The following MMP16 variants were observed in gnomAD, a reference collection of about 807,000 sequenced individuals.
The protein encoded by MMP16 is matrix metallopeptidase 16.
A neutral mutation model predicts 67.8 loss-of-function variants in MMP16; 12 were observed. That is an observed-to-expected ratio of 0.18 (90% confidence interval 0.11 to 0.29). MMP16 has a LOEUF of 0.29. MMP16 is among the 10% of genes least tolerant of loss of function. MMP16 has a pLI of 1.00. For missense variants in MMP16, 475 were observed against 765.7 expected (o/e 0.62, Z 4.48); for synonymous variants, 249 against 255.9 (o/e 0.97, Z 0.26).
chr8:88,151,367 T>C (rs1265871586), intron 4 of MMP16, among the ~76,000 whole-genome samples: 1 of 149,868 alleles, frequency 6.7e-6, no homozygotes, highest in African/African-American at 2.4e-5. Flanking sequence ...GCGGACCTAA[T>C]AGACATCTAC....
intron 6 of MMP16, among the ~76,000 whole-genome samples, chr8:88,106,751 A>G (rs1032462880): frequency 6.6e-6 from 1 of 151,214 alleles, no homozygotes; most frequent in Admixed American, 6.6e-5. Flanking sequence ...ATGCATATGA[A>G]TCTCTTTATC....
intron 6 of MMP16, among the ~76,000 whole-genome samples, chr8:88,083,926 T>C (rs1017494763): frequency 4.6e-5 from 7 of 152,048 alleles, no homozygotes; most frequent in African/African-American, 1.4e-4. Context: ...TTTCATGTTG[T>C]GGTAACTGCA....
chr8:88,264,082 TGTG>T (rs1810436826), intron 1 of MMP16, among the ~76,000 whole-genome samples: 3 of 151,258 alleles, frequency 2.0e-5, no homozygotes, highest in Non-Finnish European at 2.9e-5. Context: ...TGTGTGTGTG[TGTG>T]TGTGTGTGTG....
At chr8:88,266,294 C>G (rs1284239491) in intron 1 of MMP16, among the ~76,000 whole-genome samples, 2 of 152,180 alleles carry the variant, frequency 1.3e-5, no homozygotes, top group African/African-American at 4.8e-5. Flanking sequence ...ATCCATCAGA[C>G]TAAGACCATC....
intron 4 of MMP16, among the ~76,000 whole-genome samples, chr8:88,145,949 C>T (rs1327450549): frequency 6.6e-6 from 1 of 151,924 alleles, no homozygotes. Flanking sequence ...TCTCTTCCTA[C>T]CCCAACAATG....
chr8:88,198,932 C>T (rs917200446), intron 1 of MMP16, among the ~76,000 whole-genome samples: 2 of 151,968 alleles, frequency 1.3e-5, no homozygotes, highest in Non-Finnish European at 2.9e-5. Flanking sequence ...GTAGACTCCA[C>T]TTTTTTTCTG....
In MMP16 at chr8:88,074,727, C is replaced by T. The variant is rs1808616518; in HGVS notation, c.1100G>A (p.Arg367Gln). The change falls in exon 7 of 10, where the codon CGA (arginine) becomes CAA (glutamine). Residue 367 changes from arginine (R) to glutamine (Q), a missense_variant. Around this residue, in one of 5 missense-constraint regions of MMP16, gnomAD observed 195 missense variants for 300.9 expected, o/e 0.65. Transcript: ENST00000286614. ...ATCCATCACCCTGTTGTTTCTCACT[C>T]GCCAAAACCACTGGTCCTGCAAACC... ...MFVFKDQWFWRVRNNRVMDGY... is the reference protein window; with the variant it reads ...MFVFKDQWFWQVRNNRVMDGY... The T allele has an allele frequency of 6.2e-7, 1 of 1,612,646 alleles. No individual in the cohort carries two copies. The highest frequency in any genetic ancestry group is 8.5e-7 in the Non-Finnish European group (1 of 1,179,168).
At chr8:88,177,158 T>G (rs576284132) in intron 3 of MMP16, among the ~76,000 whole-genome samples, 1 of 152,320 alleles carries the variant, frequency 6.6e-6, no homozygotes, top group East Asian at 1.9e-4. Flanking sequence ...ATGGTGCCTT[T>G]GTAAAGGTTA....
chr8:88,253,329 T>C (rs1036947630), intron 1 of MMP16, among the ~76,000 whole-genome samples: 4 of 152,152 alleles, frequency 2.6e-5, no homozygotes, highest in African/African-American at 9.7e-5. Flanking sequence ...AGTGACTTCC[T>C]TCCAAAGAGT....
At chr8:88,160,883 C>T (rs187898254) in intron 4 of MMP16, among the ~76,000 whole-genome samples, 165 of 152,294 alleles carry the variant, frequency 1.1e-3, no homozygotes, top group African/African-American at 3.8e-3. Flanking sequence ...AGCCTCGCAT[C>T]CCTGGGATGA....
intron 1 of MMP16, among the ~76,000 whole-genome samples, chr8:88,284,634 T>C (rs1300127396): frequency 6.6e-6 from 1 of 152,142 alleles, no homozygotes; most frequent in Non-Finnish European, 1.5e-5. Flanking sequence ...CAGAAGTAGA[T>C]GACAGACAAT....
At chr8:88,316,919 GTT>G (rs546078730) in intron 1 of MMP16, among the ~76,000 whole-genome samples, 181 of 152,244 alleles carry the variant, frequency 1.2e-3, no homozygotes, top group African/African-American at 4.0e-3. Flanking sequence ...TTTGGAAAAA[GTT>G]TATTCCAATC....
intron 1 of MMP16, among the ~76,000 whole-genome samples, chr8:88,261,094 C>G (rs1810381444): frequency 6.6e-6 from 1 of 152,142 alleles, no homozygotes; most frequent in African/African-American, 2.4e-5. Context: ...AACACTTTGT[C>G]TTGAAGATAT....
chr8:88,325,323 T>G (rs553889377), intron 1 of MMP16, among the ~76,000 whole-genome samples: 1 of 152,316 alleles, frequency 6.6e-6, no homozygotes, highest in African/African-American at 2.4e-5. Context: ...AAAACTCATG[T>G]TATCCTAACC....
chr8:88,156,401 T>C lies in MMP16; in HGVS notation c.709+11268A>G, dbSNP rs557622853. On this transcript the variant is annotated intron_variant, in intron 4 of 9. Transcript: ENST00000286614. Reference sequence around the variant, plus strand: ...GCAAAGCTACAATCTCCACTGTGGATTATAATAAGGTCTATTTCTGCTGCT... The same window carrying C: ...GCAAAGCTACAATCTCCACTGTGGACTATAATAAGGTCTATTTCTGCTGCT... Among the ~76,000 whole-genome samples, 6 of 152,190 alleles carry C rather than the reference T, an allele frequency of 3.9e-5. No homozygotes were observed. The South Asian group carries it at 1.0e-3, about 26-fold the overall frequency.
At chr8:88,228,501 T>C (rs1012817106) in intron 1 of MMP16, among the ~76,000 whole-genome samples, 3 of 152,054 alleles carry the variant, frequency 2.0e-5, no homozygotes, top group Non-Finnish European at 2.9e-5. Context: ...ATGTTACCAA[T>C]GACAATAAAA....
chr8:88,180,732 CA>C (rs549068655), intron 3 of MMP16, among the ~76,000 whole-genome samples: 1 of 150,770 alleles, frequency 6.6e-6, no homozygotes, highest in African/African-American at 2.4e-5. Flanking sequence ...GATAAAGATA[CA>C]AAAAAAAGAA....
intron 6 of MMP16, among the ~76,000 whole-genome samples, chr8:88,109,990 C>T (rs1304094978): frequency 6.6e-6 from 1 of 150,970 alleles, no homozygotes; most frequent in East Asian, 1.9e-4. Flanking sequence ...AAAATATATC[C>T]TAAATTCCAA....
intron 7 of MMP16, among the ~76,000 whole-genome samples, chr8:88,061,163 CA>C (rs1586129101): frequency 1.4e-5 from 2 of 140,822 alleles, no homozygotes; most frequent in Non-Finnish European, 3.2e-5. Context: ...CACACACACA[CA>C]CACACACCCC....
Sources: allele counts gnomAD v4.1 joint callset (sites outside exome capture counted in the v4.1 genomes callset), GRCh38; gene constraint gnomAD v4.1.1; regional missense constraint gnomAD v4.1.1; transcripts MANE v1.5; gene names NCBI Gene and HGNC (gene_info 2026-07-23, HGNC 2026-07-21).